CNTNAP2: variants seen among roughly 807,000 people sequenced by gnomAD.
The protein encoded by CNTNAP2 is contactin associated protein 2, also known as contactin-associated protein-like 2.
CNTNAP2 carries 98 observed loss-of-function variants against 155.2 expected under a neutral mutation model. The ratio of observed to expected loss-of-function variants is 0.63; its 90% CI spans 0.54 to 0.75. The LOEUF is 0.75. CNTNAP2 is among the 30% of genes least tolerant of loss of function. CNTNAP2 has a pLI of 0.00. For synonymous variants in CNTNAP2, 651 were observed against 631.2 expected, an observed-to-expected ratio of 1.03 and a Z score of -0.47; for missense variants, 1,727 against 1,688.1, an observed-to-expected ratio of 1.02 and a Z score of -0.40.
In CNTNAP2 at chr7:146,268,603, C is replaced by T. The variant is rs1009794884; in HGVS notation, c.97+151630C>T. On this transcript the variant is annotated intron_variant, in intron 1 of 23. Transcript: ENST00000361727. ...ATCTGGATCTGCTTTTCCATCTCCACCACCAAAACAGCTCCTGAGTAGAGT... is the reference window on the plus strand; with the variant it reads ...ATCTGGATCTGCTTTTCCATCTCCATCACCAAAACAGCTCCTGAGTAGAGT... Among the ~76,000 whole-genome samples, 37 of 152,070 alleles carry T rather than the reference C, an allele frequency of 2.4e-4. 1 individual carries two copies. The highest frequency in any genetic ancestry group is 8.9e-4 in the African/African-American group (37 of 41,344).
chr7:148,235,395 C>T (rs1796025861), intron 20 of CNTNAP2, among the ~76,000 whole-genome samples: 1 of 152,116 alleles, frequency 6.6e-6, no homozygotes, highest in South Asian at 2.1e-4. Context: ...CCTCAAATGT[C>T]CATGTTTTAA....
intron 8 of CNTNAP2, among the ~76,000 whole-genome samples, chr7:147,214,742 C>A (rs560969272): frequency 1.4e-3 from 215 of 152,202 alleles, no homozygotes; most frequent in African/African-American, 4.9e-3. Flanking sequence ...ATATTTCCTG[C>A]CCCCACACAT....
intron 9 of CNTNAP2, among the ~76,000 whole-genome samples, chr7:147,330,307 G>C (rs78682129): frequency 2.0e-5 from 3 of 151,966 alleles, no homozygotes; most frequent in Non-Finnish European, 4.4e-5. Flanking sequence ...CTACTCCCCC[G>C]GTGCCTCCCA....
chr7:146,703,331 C>T (rs1800909495), intron 1 of CNTNAP2, among the ~76,000 whole-genome samples: 1 of 152,058 alleles, frequency 6.6e-6, no homozygotes, highest in South Asian at 2.1e-4. Flanking sequence ...TATGACTTTT[C>T]TATTTGGTAA....
chr7:146,278,123 A>G (rs1304774200), intron 1 of CNTNAP2, among the ~76,000 whole-genome samples: 1 of 152,146 alleles, frequency 6.6e-6, no homozygotes, highest in African/African-American at 2.4e-5. Context: ...CAACCTCTTG[A>G]GACAACTGAT....
chr7:147,898,697 T>A (rs1219861081), intron 13 of CNTNAP2, among the ~76,000 whole-genome samples: 1 of 152,010 alleles, frequency 6.6e-6, no homozygotes, highest in Non-Finnish European at 1.5e-5. Flanking sequence ...TTTTTGTAGT[T>A]TTAGTAGAGA....
intron 1 of CNTNAP2, among the ~76,000 whole-genome samples, chr7:146,230,906 T>G (rs1013293408): frequency 6.6e-6 from 1 of 152,062 alleles, no homozygotes; most frequent in African/African-American, 2.4e-5. Context: ...TCCCAGCTAT[T>G]TGGGAGGCTG....
intron 13 of CNTNAP2, among the ~76,000 whole-genome samples, chr7:147,731,746 C>G (rs922242509): frequency 6.6e-6 from 1 of 151,948 alleles, no homozygotes; most frequent in Non-Finnish European, 1.5e-5. Flanking sequence ...AATTTTGAAA[C>G]TACTGGAAAG....
At chr7:146,366,104 A>G (rs1795151600) in intron 1 of CNTNAP2, among the ~76,000 whole-genome samples, 1 of 152,140 alleles carries the variant, frequency 6.6e-6, no homozygotes, top group South Asian at 2.1e-4. Flanking sequence ...ATATAGATAG[A>G]TATGTATAGA....
At chr7:147,056,208 G>A (rs1318926353) in intron 4 of CNTNAP2, among the ~76,000 whole-genome samples, 2 of 152,064 alleles carry the variant, frequency 1.3e-5, no homozygotes, top group Admixed American at 1.3e-4. Flanking sequence ...TTTCTTCCCT[G>A]TTATAAAAAT....
intron 1 of CNTNAP2, among the ~76,000 whole-genome samples, chr7:146,389,858 C>T (rs895904571): frequency 5.9e-5 from 9 of 151,652 alleles, no homozygotes; most frequent in Admixed American, 1.3e-4. Context: ...CCCACTACCA[C>T]GCCCAGCTAA....
intron 15 of CNTNAP2, among the ~76,000 whole-genome samples, chr7:148,083,388 A>G (rs1217532264): frequency 1.3e-5 from 2 of 152,290 alleles, no homozygotes; most frequent in Admixed American, 6.5e-5. Flanking sequence ...CCTTCATAGC[A>G]TGAACACATT....
intron 1 of CNTNAP2, among the ~76,000 whole-genome samples, chr7:146,511,896 T>G (rs918900013): frequency 6.6e-6 from 1 of 152,266 alleles, no homozygotes; most frequent in Admixed American, 6.5e-5. Context: ...GCAGTTCTCA[T>G]TAAGTCCTGG....
At chr7:146,490,910 G>T (rs1417636076) in intron 1 of CNTNAP2, among the ~76,000 whole-genome samples, 1 of 152,014 alleles carries the variant, frequency 6.6e-6, no homozygotes, top group Non-Finnish European at 1.5e-5. Flanking sequence ...CTTTGTAATG[G>T]TGACTTTACT....
At chr7:147,033,255 G>T (rs1031512303) in intron 3 of CNTNAP2, among the ~76,000 whole-genome samples, 1 of 146,124 alleles carries the variant, frequency 6.8e-6, no homozygotes, top group East Asian at 2.0e-4. Flanking sequence ...CAATAAAAAA[G>T]AGTGTATTTT....
chr7:148,333,845 G>A (rs928370923), intron 21 of CNTNAP2, among the ~76,000 whole-genome samples: 1 of 151,494 alleles, frequency 6.6e-6, no homozygotes, highest in African/African-American at 2.5e-5. Context: ...GTACAGCAAG[G>A]AATGCCAGTG....
At chr7:146,655,623 A>T (rs1379879488) in intron 1 of CNTNAP2, among the ~76,000 whole-genome samples, 1 of 152,060 alleles carries the variant, frequency 6.6e-6, no homozygotes, top group Non-Finnish European at 1.5e-5. Context: ...TACAGTAAAT[A>T]ATTGATCTCC....
At chr7:146,583,085 T>G (rs1798636943) in intron 1 of CNTNAP2, among the ~76,000 whole-genome samples, 4 of 152,048 alleles carry the variant, frequency 2.6e-5, no homozygotes. Context: ...GCCTTTGGAA[T>G]GTGATGACAA....
intron 16 of CNTNAP2, among the ~76,000 whole-genome samples, chr7:148,118,886 C>T (rs1233826430): frequency 1.3e-5 from 2 of 152,200 alleles, no homozygotes; most frequent in African/African-American, 4.8e-5. Flanking sequence ...GAGGATGCTG[C>T]TTAGCTCAGC....
Sources: gnomAD v4.1 joint callset for allele counts (sites outside exome capture counted in the v4.1 genomes callset) on GRCh38, gnomAD v4.1.1 for gene constraint, MANE v1.5 for transcripts, NCBI Gene and HGNC (gene_info 2026-07-23, HGNC 2026-07-21) for gene names.